The following RPIA variants were observed in gnomAD, a reference collection of about 807,000 sequenced individuals.
RPIA encodes ribose-5-phosphate isomerase.
RPIA carries 29 observed loss-of-function variants against 37.8 expected under a neutral mutation model. That is an observed-to-expected ratio of 0.77 (90% CI 0.57 to 1.05). RPIA has a LOEUF of 1.05. Among genes scored for constraint, RPIA ranks in the 50% least tolerant of loss-of-function variants. The pLI, the probability that RPIA is intolerant of heterozygous loss-of-function variation, is 0.00. For synonymous variants in RPIA, 167 were observed against 157.0 expected, an observed-to-expected ratio of 1.06 and a Z score of -0.48; for missense variants, 385 against 413.6, an observed-to-expected ratio of 0.93 and a Z score of 0.60.
intron 6 of RPIA, 104 bp downstream of exon 6, chr2:88,735,841 C>T (rs1673308791): frequency 9.1e-7 from 1 of 1,103,410 alleles, no homozygotes; most frequent in Non-Finnish European, 1.4e-6. Context: ...CAGGGACTGT[C>T]TGACTTTCTG....
At chr2:88,704,019 G>A (rs970639504) in intron 3 of RPIA, among the ~76,000 whole-genome samples, 1 of 152,118 alleles carries the variant, frequency 6.6e-6, no homozygotes, top group Non-Finnish European at 1.5e-5. Context: ...CTAAAACAAC[G>A]AGTCACCTTT....
At chr2:88,729,599 A>G (rs1673241099) in intron 4 of RPIA, among the ~76,000 whole-genome samples, 1 of 152,204 alleles carries the variant, frequency 6.6e-6, no homozygotes, top group Non-Finnish European at 1.5e-5. Flanking sequence ...GCCCAGGGCT[A>G]TATCCAGGGC....
At chr2:88,743,641 T>C (rs1432089807) in intron 8 of RPIA, among the ~76,000 whole-genome samples, 2 of 152,212 alleles carry the variant, frequency 1.3e-5, no homozygotes, top group Admixed American at 1.3e-4. Context: ...CTGATAGAAT[T>C]CAGCTGTGAA....
intron 3 of RPIA, among the ~76,000 whole-genome samples, chr2:88,704,531 A>G (rs1672875050): frequency 1.3e-5 from 2 of 152,186 alleles, no homozygotes; most frequent in Non-Finnish European, 1.5e-5. Flanking sequence ...CTCATGATTC[A>G]ATTGTCTCCC....
chr2:88,738,505 G>T (rs1165895557), intron 8 of RPIA, among the ~76,000 whole-genome samples: 1 of 152,178 alleles, frequency 6.6e-6, no homozygotes, highest in Non-Finnish European at 1.5e-5. Flanking sequence ...AAGATGTTGT[G>T]CTGTGTGTTA....
chr2:88,692,647 G>T (rs1383920661), intron 1 of RPIA, among the ~76,000 whole-genome samples: 2 of 152,090 alleles, frequency 1.3e-5, no homozygotes, highest in Non-Finnish European at 2.9e-5. Context: ...TGTTAGTGGA[G>T]TTTTTTTAAT....
intron 3 of RPIA, among the ~76,000 whole-genome samples, chr2:88,726,876 A>G (rs1233126052): frequency 1.3e-5 from 2 of 151,982 alleles, no homozygotes; most frequent in Non-Finnish European, 2.9e-5. Context: ...CTGAGTAGCT[A>G]GGGTTACAGG....
intron 3 of RPIA, among the ~76,000 whole-genome samples, chr2:88,710,235 G>A (rs949547915): frequency 3.9e-5 from 6 of 152,082 alleles, no homozygotes; most frequent in East Asian, 1.9e-4. Context: ...TTGTAGAGAC[G>A]ATGTCTCACT....
intron 4 of RPIA, among the ~76,000 whole-genome samples, chr2:88,729,728 G>GTTTTGTGGTAAAGA (rs1282665432): frequency 2.9e-5 from 2 of 69,838 alleles, no homozygotes; most frequent in African/African-American, 8.2e-5. Context: ...TTAAAACTAA[G>GTTTTGTGGTAAAGA]CAGAACTGAA....
At position 88,721,903 on chromosome 2, in the gene RPIA, T is replaced by A. The variant is rs941481112; in HGVS notation, c.403-7375T>A. Among the ~76,000 whole-genome samples the A allele has an allele frequency of 2.3e-4, 35 of 151,558 alleles. 1 individual carries two copies. The highest frequency in any genetic ancestry group is 7.5e-4 in the African/African-American group (31 of 41,412). On this transcript the variant is annotated intron_variant, in intron 3 of 8. Coordinates refer to ENST00000283646, the MANE Select transcript of RPIA (RefSeq NM_144563.3). ...TTCTTTAGTATATAAATGGTTTTTT[T>A]TAAATATCAAACCCAATCTCCAGAA...
intron 3 of RPIA, among the ~76,000 whole-genome samples, chr2:88,722,785 A>G (rs1174836475): frequency 5.3e-5 from 8 of 152,340 alleles, no homozygotes; most frequent in Admixed American, 4.6e-4. Context: ...GAAACTCTGC[A>G]AAGAAAACAG....
At chr2:88,749,134 T>C (rs1290126527) in intron 8 of RPIA, among the ~76,000 whole-genome samples, 1 of 152,246 alleles carries the variant, frequency 6.6e-6, no homozygotes, top group Non-Finnish European at 1.5e-5. Flanking sequence ...TGACCAAATG[T>C]ATGCCTAACA....
intron 3 of RPIA, among the ~76,000 whole-genome samples, chr2:88,724,548 A>G (rs774578558): frequency 6.6e-6 from 1 of 152,080 alleles, no homozygotes; most frequent in South Asian, 2.1e-4. Flanking sequence ...ACCTCAGGTG[A>G]TCTGCCCACC....
chr2:88,711,635 A>G (rs1672963337), intron 3 of RPIA, among the ~76,000 whole-genome samples: 1 of 152,240 alleles, frequency 6.6e-6, no homozygotes, highest in Non-Finnish European at 1.5e-5. Context: ...GGTCAAGGAA[A>G]AGACCTGGAA....
rs1361706774 is a variant in RPIA at position 88,720,824 on chromosome 2, A to G, written c.403-8454A>G. The stretch of plus-strand genomic sequence containing the variant: ...CAGTGTGGCAATTCCTCAAGGATCT[A>G]GAACCAGAAATACCATTTCACCCAG... On this transcript the variant is annotated intron_variant, in intron 3 of 8. Coordinates refer to ENST00000283646, the MANE Select transcript of RPIA (RefSeq NM_144563.3). Among the ~76,000 whole-genome samples the G allele has an allele frequency of 2.0e-5, 3 of 152,124 alleles. No homozygotes were observed. The East Asian group carries it at 5.8e-4, about 29-fold the overall frequency.
chr2:88,697,171 A>T (rs1383619291), intron 1 of RPIA, among the ~76,000 whole-genome samples: 2 of 152,236 alleles, frequency 1.3e-5, no homozygotes, highest in Admixed American at 6.5e-5. Context: ...ATACCTTCTT[A>T]GAGTCAGACA....
intron 4 of RPIA, 68 bp downstream of exon 4, chr2:88,729,405 C>A: frequency 7.1e-7 from 1 of 1,401,892 alleles, no homozygotes; most frequent in South Asian, 1.2e-5. Flanking sequence ...GTCACTTGTT[C>A]ATGGGCTCCA....
At chr2:88,713,621 G>C (rs1210946429) in intron 3 of RPIA, among the ~76,000 whole-genome samples, 2 of 152,180 alleles carry the variant, frequency 1.3e-5, no homozygotes, top group Non-Finnish European at 2.9e-5. Context: ...CACTTGCTGG[G>C]ACAGCTCATC....
intron 3 of RPIA, among the ~76,000 whole-genome samples, chr2:88,727,614 T>TA (rs535410246): frequency 3.0e-4 from 45 of 152,282 alleles, no homozygotes; most frequent in Non-Finnish European, 5.6e-4. Flanking sequence ...AGCTCCCACT[T>TA]ACAAGTGAGA....
Sources: allele counts gnomAD v4.1 joint callset (sites outside exome capture counted in the v4.1 genomes callset), GRCh38; gene constraint gnomAD v4.1.1; transcripts MANE v1.5; gene names NCBI Gene and HGNC (gene_info 2026-07-23, HGNC 2026-07-21).